The following DIABLO variants were observed in gnomAD, a reference collection of about 807,000 sequenced individuals.
DIABLO encodes diablo homolog, mitochondrial.
A neutral mutation model predicts 31.7 loss-of-function variants in DIABLO; 32 were observed. The observed-to-expected ratio is 1.01, with a 90% CI of 0.76 to 1.35. The LOEUF is 1.35. Among genes scored for constraint, DIABLO ranks in the 40% most tolerant of loss-of-function variants. DIABLO has a pLI of 0.00. For synonymous variants in DIABLO, 132 were observed against 103.2 expected, an observed-to-expected ratio of 1.28 and a Z score of -1.69; for missense variants, 316 against 286.4, an observed-to-expected ratio of 1.10 and a Z score of -0.75.
In DIABLO at chr12:122,209,770, T is replaced by C. The variant is rs985172604; in HGVS notation, c.524-1193A>G. On this transcript the variant is annotated intron_variant, in intron 5 of 5. Coordinates refer to ENST00000464942, the MANE Select transcript of DIABLO (RefSeq NM_001371333.1). ...ATTCGTCTGTAGAACATTTTGATCT[T>C]ACTGCATTAACAAGAACCTTCAGGA... 4 of 703,470 alleles carry C rather than the reference T, an allele frequency of 5.7e-6. No individual in the cohort carries two copies. In the Admixed American group the frequency reaches 6.0e-5, roughly 11 times the overall value. The allele number at this position is 703,470 out of a possible 1,614,324, so 43.6% of individuals were successfully genotyped here.
rs1408018041 is a variant in DIABLO at position 122,216,768 on chromosome 12, G to T, written c.417C>A (p.Ala139=). The change falls in exon 4 of 6, where the codon GCC becomes GCA. Residue 139 remains alanine (A), a synonymous_variant. Transcript: ENST00000464942. Reference sequence around the variant, plus strand: ...AGAACTTTCTGCTTACCTCAGCTCTGGCTCCTATGATCACCTGCCACACTT... The same window carrying T: ...AGAACTTTCTGCTTACCTCAGCTCTTGCTCCTATGATCACCTGCCACACTT... ...EDEVWQVIIG[A]RAEMTSKHQE... is the part of the protein sequence containing the mutation. 6.2e-7 allele frequency: 1 copy of T among 1,614,042 alleles called. No individual in the cohort carries two copies. Among genetic ancestry groups the T allele is most frequent in the Non-Finnish European group, 8.5e-7 (1 of 1,179,918 alleles).
chr12:122,209,359 A>AAAAAAAAG (rs1265204798), intron 5 of DIABLO, among the ~76,000 whole-genome samples: 7 of 148,050 alleles, frequency 4.7e-5, no homozygotes, highest in South Asian at 4.2e-4. Context: ...TCCGTCTCAA[A>AAAAAAAAG]AAAAAAAGAA....
In DIABLO at chr12:122,208,110, G is replaced by A. The variant is rs917067029; in HGVS notation, c.*271C>T. The A allele has an allele frequency of 3.1e-6, 2 of 652,236 alleles. No homozygotes were observed. Among genetic ancestry groups the A allele is most frequent in the Non-Finnish European group, 5.6e-6 (2 of 354,294 alleles). The allele number at this position is 652,236 out of a possible 1,614,324, so 40.4% of individuals were successfully genotyped here. ...GACCCAGGTAGGCAAAATGCTTTGGGTGTGAGGTAAAAAAAATGGGTAAGA... is the reference window on the plus strand; with the variant it reads ...GACCCAGGTAGGCAAAATGCTTTGGATGTGAGGTAAAAAAAATGGGTAAGA... On this transcript the variant is annotated 3_prime_UTR_variant, in exon 6 of 6. Transcript: ENST00000464942.
intron 5 of DIABLO, among the ~76,000 whole-genome samples, chr12:122,212,635 T>C (rs918058695): frequency 2.0e-5 from 3 of 151,842 alleles, no homozygotes; most frequent in Non-Finnish European, 2.9e-5. Context: ...ATTTTTGTTT[T>C]TTTTTTTGAG....
In DIABLO at chr12:122,208,454, A is replaced by G. The variant is rs1325467280; in HGVS notation, c.647T>C (p.Leu216Pro). The G allele has an allele frequency of 6.2e-7, 1 of 1,613,822 alleles. No homozygotes were observed. The highest frequency in any genetic ancestry group is 1.3e-5 in the African/African-American group (1 of 74,872). The change falls in exon 6 of 6, where the codon CTC (leucine) becomes CCC (proline). Residue 216 changes from leucine to proline, a missense_variant. Leu to Pro is a moderately conservative substitution (Grantham distance 98). Transcript: ENST00000464942. ...TKLAEAQIEE[L>P]RQKTQEEGEE... Reference sequence around the variant, plus strand: ...CCCTTCCTCCTGTGTTTTCTGACGGAGCTCTTCTATCTGTGCTTCTGCCAG... The same window carrying G: ...CCCTTCCTCCTGTGTTTTCTGACGGGGCTCTTCTATCTGTGCTTCTGCCAG...
chr12:122,225,227 G>GAAAA (rs143195410), intron 1 of DIABLO: 11,646 of 180,960 alleles, frequency 0.064, 477 homozygotes, highest in Middle Eastern at 0.14. Flanking sequence ...AAAACAAAAA[G>GAAAA]AAAAAAAAAA....
chr12:122,226,397 C>A (rs1342101427), upstream of DIABLO: 4 of 322,934 alleles, frequency 1.2e-5, no homozygotes, highest in South Asian at 4.5e-5. Flanking sequence ...CGGGGCCGGG[C>A]GGGAGGCGGG....
At chr12:122,211,390 C>T (rs939069610) in intron 5 of DIABLO, among the ~76,000 whole-genome samples, 2 of 151,958 alleles carry the variant, frequency 1.3e-5, no homozygotes, top group African/African-American at 4.8e-5. Flanking sequence ...CAGAGTGAGA[C>T]CCTGTCTCCA....
At chr12:122,210,745 G>A (rs1358175739) in intron 5 of DIABLO, among the ~76,000 whole-genome samples, 3 of 151,934 alleles carry the variant, frequency 2.0e-5, no homozygotes, top group Admixed American at 2.0e-4. Context: ...AATTTACTGT[G>A]TGTCTTAGAA....
intron 3 of DIABLO, chr12:122,217,295 C>G (rs1954237034): frequency 4.6e-6 from 1 of 215,168 alleles, no homozygotes. Context: ...CGTGGATCAC[C>G]TGAAGTCAGG....
At chr12:122,211,465 CT>C (rs1321538837) in intron 5 of DIABLO, among the ~76,000 whole-genome samples, 7 of 151,876 alleles carry the variant, frequency 4.6e-5, no homozygotes, top group Non-Finnish European at 1.0e-4. Flanking sequence ...TCCTAGCACT[CT>C]GGCAGGCCAA....
intron 5 of DIABLO, chr12:122,210,006 TC>T: frequency 1.7e-6 from 1 of 580,782 alleles, no homozygotes; most frequent in Non-Finnish European, 3.1e-6. Flanking sequence ...TCTCCTTTAA[TC>T]TATGGATATA....
chr12:122,223,385 G>A (rs1417520122), intron 2 of DIABLO, among the ~76,000 whole-genome samples: 8 of 150,026 alleles, frequency 5.3e-5, no homozygotes, highest in Non-Finnish European at 1.2e-4. Flanking sequence ...AGTGAGCCAA[G>A]ATTGTGCCAT....
At chr12:122,209,794 G>T in intron 5 of DIABLO, 1 of 703,420 alleles carries the variant, frequency 1.4e-6, no homozygotes, top group Non-Finnish European at 2.6e-6. Flanking sequence ...GAACCTTCAG[G>T]ACAATGTTGA....
chr12:122,224,989 G>A (rs937781888), intron 1 of DIABLO: 5 of 463,318 alleles, frequency 1.1e-5, no homozygotes, highest in Non-Finnish European at 1.1e-5. Context: ...GAGGCGGGTG[G>A]ATCACTTGAG....
intron 1 of DIABLO, chr12:122,224,918 G>GGGCAACATGGCT: frequency 8.9e-7 from 1 of 1,117,914 alleles, no homozygotes; most frequent in Non-Finnish European, 1.2e-6. Flanking sequence ...CGACCAGCCT[G>GGGCAACATGGCT]GGCAACATGG....
At chr12:122,217,135 G>A (rs1048867694) in intron 3 of DIABLO, 56 of 417,468 alleles carry the variant, frequency 1.3e-4, no homozygotes, top group Non-Finnish European at 1.6e-4. Flanking sequence ...TTTAAAGGTT[G>A]AGGGGAAAAA....
upstream of DIABLO, chr12:122,226,415 G>A (rs1303470065): frequency 2.0e-5 from 14 of 691,138 alleles, no homozygotes; most frequent in Non-Finnish European, 3.4e-5. Flanking sequence ...GGGGCCGGGC[G>A]CGGCGACGGC....
intron 1 of DIABLO, chr12:122,225,609 C>G: frequency 2.4e-6 from 3 of 1,235,268 alleles, no homozygotes; most frequent in Non-Finnish European, 3.1e-6. Flanking sequence ...TTCAGACGCT[C>G]GTCTCCCTTC....
Sources: allele counts gnomAD v4.1 joint callset (sites outside exome capture counted in the v4.1 genomes callset), GRCh38; gene constraint gnomAD v4.1.1; transcripts MANE v1.5; gene names NCBI Gene and HGNC (gene_info 2026-07-23, HGNC 2026-07-21).